Variants in TYW1B observed in about 807,000 individuals in gnomAD.
TYW1B encodes S-adenosyl-L-methionine-dependent tRNA 4-demethylwyosine synthase TYW1B.
In TYW1B, 73 loss-of-function variants were observed where a neutral mutation model predicts 86.9. That is an observed-to-expected ratio of 0.84 (90% CI 0.70 to 1.02). The LOEUF (loss-of-function observed/expected upper bound fraction) is 1.02. Among genes scored for constraint, TYW1B ranks in the 50% least tolerant of loss-of-function variants. The probability of loss-of-function intolerance (pLI) is 0.00; values close to 1 mark genes in which losing one functional copy is unlikely to be tolerated. For missense variants in TYW1B, 637 were observed against 827.4 expected (o/e 0.77, Z 2.82); for synonymous variants, 248 against 292.8 (o/e 0.85, Z 1.56).
intron 11 of TYW1B, among the ~76,000 whole-genome samples, chr7:72,668,919 ACTAT>A (rs1162997287): frequency 1.3e-4 from 20 of 152,062 alleles, no homozygotes; most frequent in African/African-American, 4.1e-4. Flanking sequence ...AAGTCCTGAA[ACTAT>A]CTGTCTCCCA....
chr7:72,579,589 T>G (rs1811102479), intron 13 of TYW1B, among the ~76,000 whole-genome samples: 1 of 152,216 alleles, frequency 6.6e-6, no homozygotes, highest in Admixed American at 6.5e-5. Context: ...CACATGGCCT[T>G]TTCTTGGTAC....
chr7:72,813,237 G>A (rs1450899371), intron 3 of TYW1B, among the ~76,000 whole-genome samples: 4 of 146,124 alleles, frequency 2.7e-5, no homozygotes, highest in Admixed American at 2.1e-4. Flanking sequence ...GGGCAATGGC[G>A]CAATCTCGGC....
intron 10 of TYW1B, among the ~76,000 whole-genome samples, chr7:72,709,315 C>T (rs1814687385): frequency 6.6e-6 from 1 of 152,188 alleles, no homozygotes; most frequent in Non-Finnish European, 1.5e-5. Context: ...ACACAATTTG[C>T]CTGCTTACTC....
chr7:72,701,517 G>A (rs1370584053), intron 10 of TYW1B, among the ~76,000 whole-genome samples: 2 of 152,256 alleles, frequency 1.3e-5, no homozygotes, highest in East Asian at 3.9e-4. Context: ...TCCCGTCCCA[G>A]CCTCCCGAAG....
chr7:72,617,686 G>C (rs1554437174), intron 12 of TYW1B, among the ~76,000 whole-genome samples: 1 of 152,306 alleles, frequency 6.6e-6, no homozygotes, highest in East Asian at 1.9e-4. Flanking sequence ...TCTTTAAGGA[G>C]TTCATTTTGT....
intron 7 of TYW1B, among the ~76,000 whole-genome samples, chr7:72,757,368 T>TG (rs1456407072): frequency 4.2e-5 from 3 of 71,256 alleles, no homozygotes; most frequent in Admixed American, 1.6e-4. Context: ...ACTCCGTCTA[T>TG]GGAAAAAAAA....
chr7:72,625,907 G>T (rs1240835756), intron 12 of TYW1B, among the ~76,000 whole-genome samples: 1 of 88,132 alleles, frequency 1.1e-5, no homozygotes, highest in Non-Finnish European at 2.3e-5. Context: ...GGGGGGGGGG[G>T]AAGAAAGGAA....
At chr7:72,733,495 TA>T (rs1200604875) in intron 8 of TYW1B, among the ~76,000 whole-genome samples, 5 of 151,730 alleles carry the variant, frequency 3.3e-5, no homozygotes, top group South Asian at 4.2e-4. Context: ...CTGTCTCTAC[TA>T]AAAAAATACA....
At chr7:72,577,085 C>G (rs1284183952) in intron 13 of TYW1B, among the ~76,000 whole-genome samples, 1 of 151,756 alleles carries the variant, frequency 6.6e-6, no homozygotes, top group African/African-American at 2.4e-5. Flanking sequence ...CAAGACCATG[C>G]CACTGCACTC....
intron 11 of TYW1B, among the ~76,000 whole-genome samples, chr7:72,631,797 A>G (rs1554439820): frequency 6.6e-6 from 1 of 152,112 alleles, no homozygotes; most frequent in Non-Finnish European, 1.5e-5. Flanking sequence ...TTAAATGTGC[A>G]CACAGGGGCC....
chr7:72,667,693 G>A (rs35355949), intron 11 of TYW1B, among the ~76,000 whole-genome samples: 2 of 151,900 alleles, frequency 1.3e-5, no homozygotes, highest in African/African-American at 4.8e-5. Flanking sequence ...AGCCTGGGTG[G>A]CAGAGCAAGA....
intron 11 of TYW1B, among the ~76,000 whole-genome samples, chr7:72,672,382 CAA>C (rs1319566778): frequency 2.6e-5 from 4 of 151,156 alleles, no homozygotes; most frequent in Non-Finnish European, 5.9e-5. Flanking sequence ...TGATGATTCA[CAA>C]AAAAAGATAA....
At chr7:72,671,858 T>C (rs1414943325) in intron 11 of TYW1B, among the ~76,000 whole-genome samples, 1 of 151,972 alleles carries the variant, frequency 6.6e-6, no homozygotes, top group Admixed American at 6.6e-5. Flanking sequence ...TTTTTTTTTT[T>C]TTTCAGAACT....
At chr7:72,767,695 T>C (rs1431765878) in intron 7 of TYW1B, among the ~76,000 whole-genome samples, 5 of 152,198 alleles carry the variant, frequency 3.3e-5, no homozygotes, top group Non-Finnish European at 7.3e-5. Flanking sequence ...AAAGTAAACT[T>C]TGTCTTCCTG....
chr7:72,694,864 C>T, intron 10 of TYW1B, 42 bp from the exon 11 acceptor site: 1 of 1,577,730 alleles, frequency 6.3e-7, no homozygotes. Context: ...AAAAATTATT[C>T]CTCTATCAGG....
intron 11 of TYW1B, among the ~76,000 whole-genome samples, chr7:72,641,742 C>T (rs1168640818): frequency 6.6e-6 from 1 of 152,118 alleles, no homozygotes; most frequent in African/African-American, 2.4e-5. Flanking sequence ...GATAATTACA[C>T]AAGACTGTAA....
intron 9 of TYW1B, among the ~76,000 whole-genome samples, chr7:72,718,014 C>G (rs1786823731): frequency 6.6e-6 from 1 of 152,058 alleles, no homozygotes. Context: ...AAACCTGTAC[C>G]CACTCGTATG....
At chr7:72,801,100 G>A (rs7796523) in intron 6 of TYW1B, among the ~76,000 whole-genome samples, 12,442 of 152,092 alleles carry the variant, frequency 0.082, 904 homozygotes, top group East Asian at 0.33. Flanking sequence ...AGGCCAAGGC[G>A]GGCAGATCAC....
intron 8 of TYW1B, among the ~76,000 whole-genome samples, chr7:72,731,393 C>CAAAAAAAAAAAAAAAAAAAAAAAAAAAAA (rs59262388): frequency 3.0e-5 from 1 of 33,058 alleles, no homozygotes; most frequent in African/African-American, 1.4e-4. Flanking sequence ...TACCAAACTG[C>CAAAAAAAAAAAAAAAAAAAAAAAAAAAAA]AAAAAAAAAA....
Sources: gnomAD v4.1 joint callset for allele counts (sites outside exome capture counted in the v4.1 genomes callset) on GRCh38, gnomAD v4.1.1 for gene constraint, MANE v1.5 for transcripts, NCBI Gene and HGNC (gene_info 2026-07-23, HGNC 2026-07-21) for gene names.